The following CDC20B variants were observed in gnomAD, a reference collection of about 807,000 sequenced individuals.
CDC20B encodes the protein cell division cycle protein 20 homolog B.
Under a neutral mutation model 64.1 loss-of-function variants are expected in CDC20B, and 58 were observed. That is an observed-to-expected ratio of 0.90 (90% CI 0.73 to 1.13). The LOEUF is 1.13. CDC20B is among the 50% of genes most tolerant of loss of function. The pLI is 0.00. For missense variants in CDC20B, 597 were observed against 633.0 expected (o/e 0.94, Z 0.61); for synonymous variants, 243 against 230.6 (o/e 1.05, Z -0.49).
intron 11 of CDC20B, among the ~76,000 whole-genome samples, chr5:55,117,089 C>T (rs1742641663): frequency 6.6e-6 from 1 of 152,158 alleles, no homozygotes; most frequent in African/African-American, 2.4e-5. Context: ...CATATTGATA[C>T]ATGGAATGAT....
intron 2 of CDC20B, among the ~76,000 whole-genome samples, chr5:55,154,127 A>G (rs1743747177): frequency 6.6e-6 from 1 of 152,214 alleles, no homozygotes; most frequent in Non-Finnish European, 1.5e-5. Context: ...TGGAGGAAAG[A>G]GACCACAGTG....
chr5:55,151,193 A>T (rs1743658014), intron 2 of CDC20B, among the ~76,000 whole-genome samples: 1 of 152,252 alleles, frequency 6.6e-6, no homozygotes, highest in Admixed American at 6.5e-5. Context: ...GCAAGAACAC[A>T]TTGAGACACA....
At chr5:55,124,457 G>C (rs904334214) in intron 9 of CDC20B, among the ~76,000 whole-genome samples, 14 of 152,192 alleles carry the variant, frequency 9.2e-5, no homozygotes, top group African/African-American at 3.4e-4. Context: ...GCAGAGCCAA[G>C]AGCTAAAAAG....
intron 2 of CDC20B, chr5:55,160,439 G>A: frequency 6.6e-7 from 1 of 1,513,972 alleles, no homozygotes. Flanking sequence ...ATTTTTCCTT[G>A]TCTCTGTTTA....
intron 4 of CDC20B, among the ~76,000 whole-genome samples, chr5:55,141,768 C>G (rs918487832): frequency 1.3e-5 from 2 of 152,138 alleles, no homozygotes; most frequent in Non-Finnish European, 2.9e-5. Flanking sequence ...GAACAACTAA[C>G]TAGAAAGCAG....
At chr5:55,156,434 T>C (rs1743809756) in intron 2 of CDC20B, among the ~76,000 whole-genome samples, 1 of 152,224 alleles carries the variant, frequency 6.6e-6, no homozygotes, top group Non-Finnish European at 1.5e-5. Flanking sequence ...GGTTATGAAG[T>C]CGAAAGTTCA....
rs767418788 is a variant in CDC20B at position 55,114,772 on chromosome 5, T to C, written c.1460-454A>G. Among the ~76,000 whole-genome samples the C allele has an allele frequency of 8.5e-5, 13 of 152,190 alleles. No homozygotes were observed. Among genetic ancestry groups the C allele is most frequent in the Non-Finnish European group, 1.5e-4 (10 of 68,032 alleles). On this transcript the variant is annotated intron_variant, in intron 11 of 11. Transcript: ENST00000381375. The surrounding 1 kb of genome is among the most constrained non-coding windows in gnomAD (Gnocchi z 4.1). ...ACCACATCTCCTCCTCTTCTGTGTG[T>C]CTTTTCTCCTCTGTGTGTCTCTCAC...
chr5:55,151,597 G>A (rs907648327), intron 2 of CDC20B, among the ~76,000 whole-genome samples: 3 of 152,202 alleles, frequency 2.0e-5, no homozygotes, highest in Admixed American at 6.5e-5. Context: ...CTATGTCTGC[G>A]AAAACAACAT....
At chr5:55,147,207 ATATGT>A (rs1314573460) in intron 2 of CDC20B, among the ~76,000 whole-genome samples, 76 of 110,048 alleles carry the variant, frequency 6.9e-4, no homozygotes, top group African/African-American at 2.5e-3. Context: ...ATAAACATAA[ATATGT>A]TATGTTTTAT....
intron 6 of CDC20B, among the ~76,000 whole-genome samples, chr5:55,132,529 C>T (rs1419830326): frequency 1.3e-5 from 2 of 152,220 alleles, no homozygotes; most frequent in African/African-American, 4.8e-5. Context: ...AGTGACACCA[C>T]CCTTCTTTCT....
At chr5:55,164,940 T>A (rs1020142093) in intron 2 of CDC20B, 1 of 152,198 alleles carries the variant, frequency 6.6e-6, no homozygotes, top group African/African-American at 2.4e-5. Context: ...CTCTGCATTA[T>A]TTTTTAGAAG....
chr5:55,121,903 T>G (rs1450249685), intron 9 of CDC20B, among the ~76,000 whole-genome samples: 1 of 152,244 alleles, frequency 6.6e-6, no homozygotes, highest in Non-Finnish European at 1.5e-5. Flanking sequence ...AACGCTTTTC[T>G]TACAAGTTTG....
chr5:55,119,739 T>C, intron 11 of CDC20B, 62 bp downstream of exon 11: 1 of 1,007,292 alleles, frequency 9.9e-7, no homozygotes, highest in South Asian at 1.4e-5. Context: ...TCAGGGCTTT[T>C]CCCCCCAACA....
intron 6 of CDC20B, among the ~76,000 whole-genome samples, chr5:55,133,057 C>G (rs1184734789): frequency 6.6e-6 from 1 of 152,116 alleles, no homozygotes; most frequent in Non-Finnish European, 1.5e-5. Flanking sequence ...TCCTGTCCTC[C>G]AAACTAGATT....
Position 55,114,306 on chromosome 5 carries a change from C to T in CDC20B, c.1472G>A (p.Arg491Lys), listed in dbSNP as rs1040784614. 4 of 1,613,678 alleles carry T rather than the reference C, an allele frequency of 2.5e-6. No individual in the cohort carries two copies. The African/African-American group carries it at 5.3e-5, about 22-fold the overall frequency. ...RSGGFFGHRGRVLHLSLSPDQ... is the reference protein window; with the variant it reads ...RSGGFFGHRGKVLHLSLSPDQ... ...TGGACTCAAAGACAGGTGCAGCACT[C>T]TGCCCCTGTGGCCTGGGGGAAGAAG... is the stretch of plus-strand genomic sequence containing the variant. The change falls in exon 12 of 12, where the codon AGA (arginine) becomes AAA (lysine). Residue 491 changes from arginine (R) to lysine (K), a missense_variant. Around this residue, in one of 3 missense-constraint regions of CDC20B, gnomAD observed 353 missense variants for 397.0 expected, o/e 0.89. Coordinates refer to ENST00000381375, the MANE Select transcript of CDC20B (RefSeq NM_001170402.1). The surrounding 1 kb of genome is among the most constrained non-coding windows in gnomAD (Gnocchi z 4.1).
rs1272748626 is a variant in CDC20B at position 55,173,044 on chromosome 5, G to A, written c.-44C>T. ...TGCCTGGCGTTTGGCCTCTCTGCTC[G>A]ACTGCCTCTGGTTTTCTTCCCAGGT... On this transcript the variant is annotated 5_prime_UTR_variant, in exon 1 of 12. Coordinates refer to ENST00000381375, the MANE Select transcript of CDC20B (RefSeq NM_001170402.1). The A allele has an allele frequency of 1.3e-6, 2 of 1,553,104 alleles. No homozygotes were observed. The highest frequency in any genetic ancestry group is 1.8e-6 in the Non-Finnish European group (2 of 1,136,192).
chr5:55,115,878 G>GCACACA (rs150038954), intron 11 of CDC20B, among the ~76,000 whole-genome samples: 1 of 151,380 alleles, frequency 6.6e-6, no homozygotes, highest in Admixed American at 6.6e-5. Flanking sequence ...GCATGCGCAA[G>GCACACA]CACACACACA....
At chr5:55,123,485 G>C (rs1742804013) in intron 9 of CDC20B, among the ~76,000 whole-genome samples, 1 of 151,960 alleles carries the variant, frequency 6.6e-6, no homozygotes. Flanking sequence ...ACCATGAGAG[G>C]AATCACGCAC....
intron 2 of CDC20B, chr5:55,163,959 G>A: frequency 1.1e-6 from 1 of 925,302 alleles, no homozygotes; most frequent in African/African-American, 1.7e-5. Context: ...CCTAGAACTT[G>A]ATACTAAAGT....
Sources: allele counts gnomAD v4.1 joint callset (sites outside exome capture counted in the v4.1 genomes callset), GRCh38; gene constraint gnomAD v4.1.1; regional missense constraint gnomAD v4.1.1; non-coding constraint Gnocchi (gnomAD v3.1); transcripts MANE v1.5; gene names NCBI Gene and HGNC (gene_info 2026-07-23, HGNC 2026-07-21).